The following CELF4 variants were observed in gnomAD, a reference collection of about 807,000 sequenced individuals.
CELF4 encodes CUG-BP- and ETR-3-like factor 4.
A neutral mutation model predicts 59.9 loss-of-function variants in CELF4; 18 were observed. That is an observed-to-expected ratio of 0.30 (90% confidence interval 0.21 to 0.45). The LOEUF is 0.45. Ranked by LOEUF, CELF4 falls within the 20% of genes least tolerant of loss-of-function variation. The pLI, the probability that CELF4 is intolerant of heterozygous loss-of-function variation, is 1.00. For missense variants in CELF4, 456 were observed against 689.0 expected (o/e 0.66, Z 3.79); for synonymous variants, 261 against 267.1 (o/e 0.98, Z 0.22).
intron 2 of CELF4, among the ~76,000 whole-genome samples, chr18:37,392,338 T>C (rs1035149790): frequency 6.6e-6 from 1 of 152,214 alleles, no homozygotes; most frequent in African/African-American, 2.4e-5. Context: ...CTGGGCCATC[T>C]GTTTTGCATA....
At chr18:37,426,918 T>C (rs1281375319) in intron 2 of CELF4, among the ~76,000 whole-genome samples, 1 of 151,082 alleles carries the variant, frequency 6.6e-6, no homozygotes, top group Non-Finnish European at 1.5e-5. Flanking sequence ...TACCAATGAC[T>C]TGCAGAGACT....
chr18:37,506,494 G>C (rs2099938170), intron 1 of CELF4, among the ~76,000 whole-genome samples: 1 of 152,176 alleles, frequency 6.6e-6, no homozygotes, highest in East Asian at 1.9e-4. Flanking sequence ...TGGGCACAGA[G>C]GTGACTTCTC....
At chr18:37,284,276 CAT>C (rs1396973675) in intron 3 of CELF4, among the ~76,000 whole-genome samples, 6 of 151,256 alleles carry the variant, frequency 4.0e-5, no homozygotes. Context: ...AACATACAGA[CAT>C]AACACACACA....
At chr18:37,522,261 T>C (rs963538833) in intron 1 of CELF4, among the ~76,000 whole-genome samples, 1 of 152,150 alleles carries the variant, frequency 6.6e-6, no homozygotes, top group Non-Finnish European at 1.5e-5. Flanking sequence ...CTCCCTATCT[T>C]ATCATACAGA....
chr18:37,316,712 C>G (rs541372528), intron 3 of CELF4, among the ~76,000 whole-genome samples: 1 of 152,248 alleles, frequency 6.6e-6, no homozygotes, highest in East Asian at 1.9e-4. Context: ...TGAATTCTCT[C>G]TTCTCTGACC....
chr18:37,501,614 C>G (rs2099931952), intron 1 of CELF4, among the ~76,000 whole-genome samples: 1 of 152,190 alleles, frequency 6.6e-6, no homozygotes, highest in Non-Finnish European at 1.5e-5. Flanking sequence ...GCCCAGTAAC[C>G]AAGCTTCAGA....
chr18:37,331,574 C>T (rs1462912391), intron 2 of CELF4, among the ~76,000 whole-genome samples: 1 of 152,052 alleles, frequency 6.6e-6, no homozygotes, highest in African/African-American at 2.4e-5. Flanking sequence ...GTGTGCCTGG[C>T]TGGGGGTGTG....
chr18:37,395,860 C>T (rs1167679646), intron 2 of CELF4, among the ~76,000 whole-genome samples: 1 of 152,162 alleles, frequency 6.6e-6, no homozygotes, highest in East Asian at 1.9e-4. Context: ...GGTGTGAACT[C>T]CCCAGCCTGG....
At chr18:37,423,785 A>G (rs1180712369) in intron 2 of CELF4, among the ~76,000 whole-genome samples, 1 of 152,036 alleles carries the variant, frequency 6.6e-6, no homozygotes, top group East Asian at 1.9e-4. Flanking sequence ...CTTCAGGAGA[A>G]TGGCTTTGGG....
intron 2 of CELF4, among the ~76,000 whole-genome samples, chr18:37,407,208 A>G (rs2099395423): frequency 6.6e-6 from 1 of 152,172 alleles, no homozygotes. Context: ...CAGTGTACAT[A>G]AAGTTGGGCA....
At chr18:37,304,856 A>G (rs2096293181) in intron 3 of CELF4, among the ~76,000 whole-genome samples, 1 of 152,176 alleles carries the variant, frequency 6.6e-6, no homozygotes, top group Admixed American at 6.5e-5. Flanking sequence ...GGCTGTCCAC[A>G]AAGAAAATTG....
At chr18:37,394,039 G>C (rs780276366) in intron 2 of CELF4, among the ~76,000 whole-genome samples, 19 of 152,120 alleles carry the variant, frequency 1.2e-4, no homozygotes, top group Non-Finnish European at 2.4e-4. Context: ...GGGGCCGCAG[G>C]GCGCGCGCGA....
At chr18:37,321,940 C>T (rs1224365807) in intron 2 of CELF4, 59 bp from the exon 3 acceptor site, 1 of 1,420,258 alleles carries the variant, frequency 7.0e-7, no homozygotes, top group African/African-American at 1.4e-5. Flanking sequence ...GGGACAGACA[C>T]CCAGCACTCA....
chr18:37,500,934 T>C lies in CELF4; in HGVS notation c.287-15327A>G, dbSNP rs568505363. On this transcript the variant is annotated intron_variant, in intron 1 of 12. Transcript: ENST00000420428. ...GGGTGAGGTGGATAGAAGGTCCAGC[T>C]GAGGCCTCTCCTGCCTGGAATCTGA... is the stretch of plus-strand genomic sequence containing the variant. 3.9e-5 allele frequency among the ~76,000 whole-genome samples: 6 copies of C among 152,340 alleles called. No individual in the cohort carries two copies. The East Asian group carries it at 1.2e-3, about 29-fold the overall frequency.
intron 3 of CELF4, among the ~76,000 whole-genome samples, chr18:37,310,468 C>A (rs937428482): frequency 6.6e-6 from 1 of 152,316 alleles, no homozygotes; most frequent in Non-Finnish European, 1.5e-5. Flanking sequence ...GCAAAGTAGG[C>A]CCCCCATTCT....
chr18:37,511,218 C>T lies in CELF4; in HGVS notation c.287-25611G>A, dbSNP rs541836418. 3.2e-4 allele frequency among the ~76,000 whole-genome samples: 48 copies of T among 152,334 alleles called. 1 individual carries two copies. The South Asian group carries it at 9.7e-3, about 31-fold the overall frequency. ...TGTCCTTAGTTACTCACTCACCCAT[C>T]CTGCCACAGGTATGCATCAGCTGCC... On this transcript the variant is annotated intron_variant, in intron 1 of 12. Transcript: ENST00000420428.
At chr18:37,413,019 T>G (rs951576758) in intron 2 of CELF4, among the ~76,000 whole-genome samples, 12 of 152,194 alleles carry the variant, frequency 7.9e-5, no homozygotes, top group Admixed American at 6.5e-4. Flanking sequence ...CCGCCCAGGC[T>G]GTGCACACAC....
At chr18:37,433,840 T>C (rs2099679436) in intron 2 of CELF4, among the ~76,000 whole-genome samples, 1 of 152,230 alleles carries the variant, frequency 6.6e-6, no homozygotes, top group Admixed American at 6.5e-5. Context: ...GTCTGGAGCC[T>C]GGGAAGATGG....
At chr18:37,266,164 G>A (rs2077433343) in intron 9 of CELF4, 1 of 384,248 alleles carries the variant, frequency 2.6e-6, no homozygotes, top group Non-Finnish European at 4.8e-6. Context: ...ATGGTGGGCA[G>A]CATCCAGGTC....
Sources: gnomAD v4.1 joint callset for allele counts (sites outside exome capture counted in the v4.1 genomes callset) on GRCh38, gnomAD v4.1.1 for gene constraint, MANE v1.5 for transcripts, NCBI Gene and HGNC (gene_info 2026-07-23, HGNC 2026-07-21) for gene names.